The following SFSWAP variants were observed in gnomAD, a reference collection of about 807,000 sequenced individuals.
SFSWAP encodes splicing factor SWAP, also known as splicing factor, suppressor of white-apricot homolog.
In SFSWAP, 17 loss-of-function variants were observed where a neutral mutation model predicts 100.7. That is an observed-to-expected ratio of 0.17 (90% CI 0.12 to 0.25). SFSWAP has a LOEUF of 0.25. Ranked by LOEUF, SFSWAP falls within the 10% of genes least tolerant of loss-of-function variation. SFSWAP has a pLI of 1.00. For synonymous variants in SFSWAP, 504 were observed against 510.1 expected (o/e 0.99, Z 0.16); for missense variants, 1,005 against 1,262.6 (o/e 0.80, Z 3.09).
intron 15 of SFSWAP, among the ~76,000 whole-genome samples, chr12:131,787,986 G>C (rs1374019918): frequency 1.3e-5 from 2 of 152,192 alleles, no homozygotes; most frequent in African/African-American, 4.8e-5. Flanking sequence ...CCTACACTGA[G>C]CATTCATGTC....
Position 131,766,421 on chromosome 12 carries a change from C to T in SFSWAP, c.2142+113C>T. On this transcript the variant is annotated intron_variant, in intron 13 of 17. Transcript: ENST00000261674. ...CTGGCCTGAGTGAGGGATATGAGCTCCCAGCTCTTCCTCCCGACATGGTTG... is the reference window on the plus strand; with the variant it reads ...CTGGCCTGAGTGAGGGATATGAGCTTCCAGCTCTTCCTCCCGACATGGTTG... 4 of 907,666 alleles carry T rather than the reference C, an allele frequency of 4.4e-6. No individual in the cohort carries two copies. The South Asian group carries it at 6.3e-5, about 14-fold the overall frequency. 56.2% of individuals were successfully genotyped at this position (907,666 alleles called of 1,614,324 possible).
chr12:131,762,814 T>C (rs986568029), intron 11 of SFSWAP, among the ~76,000 whole-genome samples: 1 of 152,232 alleles, frequency 6.6e-6, no homozygotes, highest in Non-Finnish European at 1.5e-5. Flanking sequence ...TTGGCCCTGC[T>C]GGTCTTGAAC....
intron 3 of SFSWAP, 68 bp downstream of exon 3, chr12:131,715,021 G>A: frequency 6.4e-7 from 1 of 1,556,992 alleles, no homozygotes; most frequent in Non-Finnish European, 8.8e-7. Flanking sequence ...CATGCACCGT[G>A]GTCCAGTCTG....
intron 7 of SFSWAP, among the ~76,000 whole-genome samples, chr12:131,752,698 G>A (rs557064686): frequency 1.4e-4 from 22 of 152,346 alleles, no homozygotes; most frequent in Non-Finnish European, 2.2e-4. Context: ...GTGTCAGCGC[G>A]GGGAGCTAGC....
rs748778140 is a variant in SFSWAP at position 131,755,472 on chromosome 12, G to C, written c.1541G>C (p.Ser514Thr). 2.5e-6 allele frequency: 4 copies of C among 1,611,410 alleles called. No individual in the cohort carries two copies. The South Asian group carries it at 4.4e-5, about 18-fold the overall frequency. The change falls in exon 10 of 18, where the codon AGC (serine) becomes ACC (threonine). Residue 514 changes from serine (S) to threonine (T), a missense_variant. Physicochemically the swap from Ser to Thr is moderately conservative, Grantham distance 58. Transcript: ENST00000261674. ...TTCCTCCAGAAAGAAGGGGGCGATAGCATGCAGGTACGTGTCTGAATGCAG... is the reference window on the plus strand; with the variant it reads ...TTCCTCCAGAAAGAAGGGGGCGATACCATGCAGGTACGTGTCTGAATGCAG... Reference protein sequence around the residue: ...QFFLQKEGGDSMQAVSAPEEA... With the variant: ...QFFLQKEGGDTMQAVSAPEEA...
Position 131,797,306 on chromosome 12 carries a change from A to G in SFSWAP, c.2663A>G (p.His888Arg). 1.9e-6 allele frequency: 3 copies of G among 1,611,332 alleles called. No homozygotes were observed. Among genetic ancestry groups the G allele is most frequent in the Non-Finnish European group, 2.5e-6 (3 of 1,178,956 alleles). ...RPAAPAAHSA[H>R]SASVSPVESR... The stretch of plus-strand genomic sequence containing the variant: ...GCGGCCCCCGCGGCCCACTCGGCGC[A>G]CTCAGCCAGCGTCTCCCCTGTGGAG... The change falls in exon 16 of 18, where the codon CAC becomes CGC. Residue 888 changes from histidine (H) to arginine (R), a missense_variant. By Grantham distance (29) the His-to-Arg change is conservative. Coordinates refer to ENST00000261674, the MANE Select transcript of SFSWAP (RefSeq NM_004592.4).
intron 7 of SFSWAP, among the ~76,000 whole-genome samples, chr12:131,748,007 G>A (rs1408814486): frequency 6.6e-6 from 1 of 152,212 alleles, no homozygotes; most frequent in Non-Finnish European, 1.5e-5. Flanking sequence ...GCCTGGGGCT[G>A]TGGGAGCAGC....
In SFSWAP at chr12:131,734,297, T is replaced by C. The variant is rs1307887937; in HGVS notation, c.1081+5869T>C. ...TTCCTCACAACTTAGAATAGCAAAG[T>C]TACAGACTTTGGATTCTTACGAAGA... is the stretch of plus-strand genomic sequence containing the variant. On this transcript the variant is annotated intron_variant, in intron 7 of 17. Coordinates refer to ENST00000261674, the MANE Select transcript of SFSWAP (RefSeq NM_004592.4). This position sits in a 1 kb window ranked among gnomAD's most constrained non-coding sequence, Gnocchi z 4.9. Among the ~76,000 whole-genome samples, 1 of 152,208 alleles carries C rather than the reference T, an allele frequency of 6.6e-6. No individual in the cohort carries two copies.
Position 131,725,325 on chromosome 12 carries a change from A to T in SFSWAP, c.607-80A>T. 8.4e-7 allele frequency: 1 copy of T among 1,190,546 alleles called. No homozygotes were observed. The highest frequency in any genetic ancestry group is 1.2e-6 in the Non-Finnish European group (1 of 800,028). The allele number at this position is 1,190,546 out of a possible 1,614,324, so 73.7% of individuals were successfully genotyped here. ...TAAAATTGACAGTAAAACCAGAGTC[A>T]TTTCTATGTTTTAATGAAATCACGT... On this transcript the variant is annotated intron_variant, in intron 4 of 17. Coordinates refer to ENST00000261674, the MANE Select transcript of SFSWAP (RefSeq NM_004592.4). This position sits in a 1 kb window ranked among gnomAD's most constrained non-coding sequence, Gnocchi z 4.3.
chr12:131,774,171 C>T (rs568602302), intron 13 of SFSWAP, among the ~76,000 whole-genome samples: 1 of 152,228 alleles, frequency 6.6e-6, no homozygotes, highest in South Asian at 2.1e-4. Context: ...GGAGGATGCA[C>T]CTGGGCAGGA....
chr12:131,763,838 A>G (rs928057062), intron 11 of SFSWAP, among the ~76,000 whole-genome samples: 1 of 151,994 alleles, frequency 6.6e-6, no homozygotes, highest in Non-Finnish European at 1.5e-5. Context: ...TTTTTAAAGA[A>G]AAATGAGGCC....
chr12:131,768,929 G>T (rs1435191432), intron 13 of SFSWAP, among the ~76,000 whole-genome samples: 1 of 152,092 alleles, frequency 6.6e-6, no homozygotes, highest in African/African-American at 2.4e-5. Flanking sequence ...TTCGAGATCA[G>T]TCTGGGGTCA....
Position 131,711,904 on chromosome 12 carries a change from C to T in SFSWAP, c.218+457C>T, listed in dbSNP as rs997865897. The T allele has an allele frequency of 1.1e-5, 2 of 176,964 alleles. No individual in the cohort carries two copies. Among genetic ancestry groups the T allele is most frequent in the Admixed American group, 1.1e-4 (2 of 17,748 alleles). 11.0% of individuals were successfully genotyped at this position (176,964 alleles called of 1,614,324 possible). The stretch of plus-strand genomic sequence containing the variant: ...GGAGGCGTGCCTTTATTCTTCCGAA[C>T]CGCCGCTCACTGAGACAGTGGCTAG... On this transcript the variant is annotated intron_variant, in intron 1 of 17. Coordinates refer to ENST00000261674, the MANE Select transcript of SFSWAP (RefSeq NM_004592.4). This position sits in a 1 kb window ranked among gnomAD's most constrained non-coding sequence, Gnocchi z 4.9.
At chr12:131,797,736 A>G (rs1242783832) in intron 16 of SFSWAP, among the ~76,000 whole-genome samples, 1 of 152,226 alleles carries the variant, frequency 6.6e-6, no homozygotes, top group Non-Finnish European at 1.5e-5. Flanking sequence ...GCAGGTCCCC[A>G]GGCTGCAACG....
intron 13 of SFSWAP, among the ~76,000 whole-genome samples, 155 bp from the exon 14 acceptor site, chr12:131,777,910 C>T (rs1436943292): frequency 6.6e-6 from 1 of 152,114 alleles, no homozygotes; most frequent in African/African-American, 2.4e-5. Context: ...TGGGAGGTGA[C>T]AAGGAGGTCA....
intron 14 of SFSWAP, among the ~76,000 whole-genome samples, chr12:131,779,851 AT>A (rs1332899006): frequency 2.0e-5 from 3 of 152,242 alleles, no homozygotes; most frequent in African/African-American, 7.2e-5. Flanking sequence ...CAATGGCACG[AT>A]CTTGGCTCAC....
intron 7 of SFSWAP, among the ~76,000 whole-genome samples, chr12:131,744,499 A>T (rs183348251): frequency 2.0e-5 from 3 of 152,242 alleles, no homozygotes; most frequent in African/African-American, 7.2e-5. Flanking sequence ...CCTCATCTCC[A>T]TCTAAGACCA....
At position 131,725,388 on chromosome 12, in the gene SFSWAP, T is replaced by A. The variant is rs1190348955; in HGVS notation, c.607-17T>A. 1.8e-6 allele frequency: 1 copy of A among 542,558 alleles called. No homozygotes were observed. Among genetic ancestry groups the A allele is most frequent in the South Asian group, 2.3e-5 (1 of 43,890 alleles). The allele number at this position is 542,558 out of a possible 1,614,324, so 33.6% of individuals were successfully genotyped here. ...AGAGGACAAATGGGTGACGTGAATA[T>A]GTGTGTTTTCCCGTAGCCACCAACC... is the stretch of plus-strand genomic sequence containing the variant. On this transcript the variant is annotated splice_polypyrimidine_tract_variant and intron_variant, in intron 4 of 17. Transcript: ENST00000261674. This position sits in a 1 kb window ranked among gnomAD's most constrained non-coding sequence, Gnocchi z 4.3.
chr12:131,745,298 G>T (rs1020979631), intron 7 of SFSWAP, among the ~76,000 whole-genome samples: 2 of 152,114 alleles, frequency 1.3e-5, no homozygotes, highest in African/African-American at 4.8e-5. Context: ...TGCCTAAAAC[G>T]AACAATTGCC....
Sources: allele counts gnomAD v4.1 joint callset (sites outside exome capture counted in the v4.1 genomes callset), GRCh38; gene constraint gnomAD v4.1.1; non-coding constraint Gnocchi (gnomAD v3.1); transcripts MANE v1.5; gene names NCBI Gene and HGNC (gene_info 2026-07-23, HGNC 2026-07-21).